PPP6R2: variants seen among roughly 807,000 people sequenced by gnomAD.
PPP6R2 encodes serine/threonine-protein phosphatase 6 regulatory subunit 2.
In PPP6R2, 62 loss-of-function variants were observed where a neutral mutation model predicts 100.2. The observed-to-expected ratio is 0.62, with a 90% CI of 0.50 to 0.76. The LOEUF (loss-of-function observed/expected upper bound fraction) is 0.76. Ranked by LOEUF, PPP6R2 falls within the 30% of genes least tolerant of loss-of-function variation. The pLI, the probability that PPP6R2 is intolerant of heterozygous loss-of-function variation, is 0.00. For missense variants in PPP6R2, 1,142 were observed against 1,276.3 expected, an observed-to-expected ratio of 0.89 and a Z score of 1.60; for synonymous variants, 525 against 514.7, an observed-to-expected ratio of 1.02 and a Z score of -0.27.
intron 22 of PPP6R2, 57 bp downstream of exon 22, chr22:50,441,083 C>T: frequency 7.2e-7 from 1 of 1,394,326 alleles, no homozygotes; most frequent in Admixed American, 2.3e-5. Flanking sequence ...GGCTTCCAGG[C>T]TCTGTCCCCA....
intron 1 of PPP6R2, among the ~76,000 whole-genome samples, chr22:50,367,234 T>G (rs776954901): frequency 6.6e-6 from 1 of 152,020 alleles, no homozygotes; most frequent in African/African-American, 2.4e-5. Context: ...CAGAGGTGGC[T>G]TTCTCCCGGG....
chr22:50,434,943 C>T (rs2063895996), intron 12 of PPP6R2, 23 bp from the exon 13 acceptor site: 2 of 1,590,840 alleles, frequency 1.3e-6, no homozygotes, highest in Non-Finnish European at 1.7e-6. Context: ...GGAGGCCGCC[C>T]CGATGGTGCC....
At chr22:50,368,033 G>A (rs1157821244) in intron 1 of PPP6R2, among the ~76,000 whole-genome samples, 2 of 152,182 alleles carry the variant, frequency 1.3e-5, no homozygotes, top group African/African-American at 2.4e-5. Context: ...TAGCCGAGGC[G>A]GACAGAGAGA....
intron 6 of PPP6R2, among the ~76,000 whole-genome samples, chr22:50,416,628 G>C (rs1490778298): frequency 6.6e-6 from 1 of 151,954 alleles, no homozygotes; most frequent in South Asian, 2.1e-4. Context: ...ACCATGCCTG[G>C]CCTACACTTT....
At chr22:50,366,658 A>G (rs1255943511) in intron 1 of PPP6R2, among the ~76,000 whole-genome samples, 1 of 152,066 alleles carries the variant, frequency 6.6e-6, no homozygotes, top group African/African-American at 2.4e-5. Flanking sequence ...CCTTACACAC[A>G]TGCACTGATC....
At chr22:50,434,940 G>A (rs575136480) in intron 12 of PPP6R2, 26 bp from the exon 13 acceptor site, 23 of 1,586,292 alleles carry the variant, frequency 1.4e-5, no homozygotes, top group South Asian at 1.1e-4. Flanking sequence ...CCAGGAGGCC[G>A]CCCCGATGGT....
At position 50,418,942 on chromosome 22, in the gene PPP6R2, G is replaced by A. The variant is rs750155633; in HGVS notation, c.694G>A (p.Ala232Thr). The change falls in exon 7 of 24, where the codon GCT (alanine) becomes ACT (threonine). Residue 232 changes from alanine (A) to threonine (T), a missense_variant. Coordinates refer to ENST00000612753, the MANE Select transcript of PPP6R2 (RefSeq NM_001242898.2). ...AGACCAGGGCAGTCAGCTGCAAGAG[G>A]CTCTGGAGCCAGACCCGCTCCTCAC... is the stretch of plus-strand genomic sequence containing the variant. ...GRDQGSQLQE[A>T]LEPDPLLTAL... 5 of 1,613,976 alleles carry A rather than the reference G, an allele frequency of 3.1e-6. No individual in the cohort carries two copies. Among genetic ancestry groups the A allele is most frequent in the South Asian group, 1.1e-5 (1 of 91,080 alleles).
chr22:50,370,439 C>T (rs1014898260), intron 1 of PPP6R2, among the ~76,000 whole-genome samples: 8 of 151,586 alleles, frequency 5.3e-5, no homozygotes, highest in Admixed American at 4.6e-4. Context: ...AGGCGCCTGC[C>T]ACCACGCCCA....
At chr22:50,362,052 G>T (rs889965535) in intron 1 of PPP6R2, among the ~76,000 whole-genome samples, 3 of 152,204 alleles carry the variant, frequency 2.0e-5, no homozygotes, top group African/African-American at 7.2e-5. Flanking sequence ...TGTGGTCAGG[G>T]ACTGCCCTGA....
Position 50,422,671 on chromosome 22 carries a change from C to G in PPP6R2, c.972+291C>G, listed in dbSNP as rs928147199. Among the ~76,000 whole-genome samples the G allele has an allele frequency of 3.9e-5, 6 of 152,338 alleles. No individual in the cohort carries two copies. The East Asian group carries it at 1.2e-3, about 29-fold the overall frequency. ...GGGCACCTAGCTAAGGGGTGCTCGGCTCCTGAGAGGGGACCAGGGGGTGGC... is the reference window on the plus strand; with the variant it reads ...GGGCACCTAGCTAAGGGGTGCTCGGGTCCTGAGAGGGGACCAGGGGGTGGC... On this transcript the variant is annotated intron_variant, in intron 9 of 23. Transcript: ENST00000612753.
In PPP6R2 at chr22:50,437,843, T is replaced by C. The variant is rs2064710126; in HGVS notation, c.1782T>C (p.Asn594=). 2 of 1,552,604 alleles carry C rather than the reference T, an allele frequency of 1.3e-6. No individual in the cohort carries two copies. Among genetic ancestry groups the C allele is most frequent in the Middle Eastern group, 1.7e-4 (1 of 5,998 alleles). The change falls in exon 17 of 24, where the codon AAT becomes AAC. Residue 594 remains asparagine (N), a splice_region_variant and synonymous_variant. Transcript: ENST00000612753. ...EEFADQDDNI[N]APFDRIAEIN... is the part of the protein sequence containing the mutation. ...GAAGCCATCCCCCTTGCTCTTGCAGTGCCCCGTTTGACAGGATCGCAGAGA... is the reference window on the plus strand; with the variant it reads ...GAAGCCATCCCCCTTGCTCTTGCAGCGCCCCGTTTGACAGGATCGCAGAGA...
At chr22:50,358,115 T>TA (rs1367585770) in intron 1 of PPP6R2, among the ~76,000 whole-genome samples, 343 of 149,316 alleles carry the variant, frequency 2.3e-3, no homozygotes, top group African/African-American at 5.2e-3. Flanking sequence ...CCTGGATAAT[T>TA]TAAAAAAAAA....
chr22:50,438,907 G>GC, intron 19 of PPP6R2, 145 bp downstream of exon 19: 1 of 908,678 alleles, frequency 1.1e-6, no homozygotes, highest in East Asian at 2.7e-5. Flanking sequence ...CTATTTCCCA[G>GC]CCGTCCTGAG....
chr22:50,361,801 C>A (rs987052776), intron 1 of PPP6R2, among the ~76,000 whole-genome samples: 1 of 151,996 alleles, frequency 6.6e-6, no homozygotes. Flanking sequence ...TCTTGTGGTG[C>A]GCGTAGGTGC....
At chr22:50,399,556 C>T (rs575932058) in intron 3 of PPP6R2, among the ~76,000 whole-genome samples, 2 of 152,338 alleles carry the variant, frequency 1.3e-5, no homozygotes, top group South Asian at 2.1e-4. Flanking sequence ...ACCACAGGCT[C>T]AATTATGGGA....
In PPP6R2 at chr22:50,443,900, G is replaced by A; in HGVS notation, c.2614G>A (p.Ala872Thr). The A allele has an allele frequency of 6.3e-7, 1 of 1,589,294 alleles. No individual in the cohort carries two copies. Among genetic ancestry groups the A allele is most frequent in the South Asian group, 1.1e-5 (1 of 88,258 alleles). Reference sequence around the variant, plus strand: ...TGCTGACAGCCGGCTGTTAAGCCCTGCCTGCCCCGCGCCAAAGGAAGTGAC... The same window carrying A: ...TGCTGACAGCCGGCTGTTAAGCCCTACCTGCCCCGCGCCAAAGGAAGTGAC... Reference protein sequence around the residue: ...GCADSRLLSPACPAPKEVTAA... With the variant: ...GCADSRLLSPTCPAPKEVTAA... The change falls in exon 23 of 24, where the codon GCC becomes ACC. Residue 872 changes from alanine (A) to threonine (T), a missense_variant. By Grantham distance (58) the Ala-to-Thr change is moderately conservative. Around this residue, in one of 2 missense-constraint regions of PPP6R2, gnomAD observed 550 missense variants for 517.4 expected, o/e 1.06. Coordinates refer to ENST00000612753, the MANE Select transcript of PPP6R2 (RefSeq NM_001242898.2).
At chr22:50,374,152 G>A (rs1602571606) in intron 2 of PPP6R2, among the ~76,000 whole-genome samples, 1 of 152,170 alleles carries the variant, frequency 6.6e-6, no homozygotes, top group Admixed American at 6.6e-5. Context: ...CCAAAGTGCC[G>A]AGATTATAGG....
At chr22:50,440,762 G>C in intron 21 of PPP6R2, 60 bp from the exon 22 acceptor site, 1 of 1,579,566 alleles carries the variant, frequency 6.3e-7, no homozygotes, top group Non-Finnish European at 8.7e-7. Context: ...TATGGCTGGA[G>C]TGGCCGCACC....
intron 4 of PPP6R2, among the ~76,000 whole-genome samples, chr22:50,412,651 T>C (rs1446895008): frequency 1.6e-5 from 2 of 128,846 alleles, no homozygotes; most frequent in African/African-American, 6.0e-5. Context: ...TTTTTTTTTT[T>C]TTTTTTTTGA....
Sources: gnomAD v4.1 joint callset for allele counts (sites outside exome capture counted in the v4.1 genomes callset) on GRCh38, gnomAD v4.1.1 for gene constraint, gnomAD v4.1.1 regional missense constraint, MANE v1.5 for transcripts, NCBI Gene and HGNC (gene_info 2026-07-23, HGNC 2026-07-21) for gene names.